CD109: variants seen among roughly 807,000 people sequenced by gnomAD.
CD109 encodes CD109 antigen.
A neutral mutation model predicts 165.8 loss-of-function variants in CD109; 149 were observed. The observed-to-expected ratio is 0.90, with a 90% CI of 0.79 to 1.03. CD109 has a LOEUF of 1.03. CD109 is among the 50% of genes least tolerant of loss of function. The pLI, the probability that CD109 is intolerant of heterozygous loss-of-function variation, is 0.00. For missense variants in CD109, 1,712 were observed against 1,677.8 expected (o/e 1.02, Z -0.36); for synonymous variants, 585 against 592.1 (o/e 0.99, Z 0.18).
intron 7 of CD109, among the ~76,000 whole-genome samples, chr6:73,760,026 A>G (rs1198347771): frequency 6.6e-6 from 1 of 151,946 alleles, no homozygotes; most frequent in African/African-American, 2.4e-5. Context: ...TACTGCTGTG[A>G]TTTATAGACT....
chr6:73,679,781 C>T, the CD109 span, among the ~76,000 whole-genome samples: 110 of 151,974 alleles, frequency 7.2e-4, no homozygotes, highest in Non-Finnish European at 1.5e-3. Context: ...ATTATAGGCA[C>T]GAGCCACCAT....
upstream of CD109, chr6:73,695,823 T>G: frequency 3.8e-6 from 1 of 263,966 alleles, no homozygotes; most frequent in Non-Finnish European, 7.3e-6. Context: ...GATGGGCCTG[T>G]TTACTCACCC....
At chr6:73,764,941 G>T (rs1346689882) in intron 10 of CD109, among the ~76,000 whole-genome samples, 1 of 152,142 alleles carries the variant, frequency 6.6e-6, no homozygotes, top group Non-Finnish European at 1.5e-5. Flanking sequence ...GTTTGAAAAG[G>T]TCAGTTTAAA....
At chr6:73,731,069 G>A (rs1380310051) in intron 4 of CD109, among the ~76,000 whole-genome samples, 1 of 150,804 alleles carries the variant, frequency 6.6e-6, no homozygotes, top group African/African-American at 2.4e-5. Flanking sequence ...TTTTTGAGAT[G>A]GAGTTTCACT....
chr6:73,756,790 G>A, intron 6 of CD109, 108 bp downstream of exon 6: 1 of 724,484 alleles, frequency 1.4e-6, no homozygotes, highest in South Asian at 2.7e-5. Context: ...TCTCAATGGA[G>A]TTAAAATTCT....
At chr6:73,730,716 T>C in intron 4 of CD109, 142 bp downstream of exon 4, 3 of 632,904 alleles carry the variant, frequency 4.7e-6, no homozygotes, top group Non-Finnish European at 8.2e-6. Flanking sequence ...ACTCCTCTAA[T>C]AGGAAAGAAG....
At chr6:73,742,570 G>A (rs150916677) in intron 5 of CD109, among the ~76,000 whole-genome samples, 4 of 152,366 alleles carry the variant, frequency 2.6e-5, no homozygotes, top group Admixed American at 6.5e-5. Flanking sequence ...AGGTCTTTGC[G>A]TGACCCACGC....
chr6:73,801,205 C>G (rs1011443323), intron 23 of CD109, among the ~76,000 whole-genome samples: 15 of 152,242 alleles, frequency 9.9e-5, no homozygotes, highest in African/African-American at 3.4e-4. Flanking sequence ...CAACTTCACT[C>G]CCTGTTAGCT....
chr6:73,769,201 T>TAC (rs1208093153), intron 14 of CD109, among the ~76,000 whole-genome samples: 2 of 152,178 alleles, frequency 1.3e-5, no homozygotes, highest in African/African-American at 4.8e-5. Flanking sequence ...GTACTTTAGT[T>TAC]TTGTTGAGAA....
At chr6:73,737,470 A>G (rs540511843) in intron 5 of CD109, among the ~76,000 whole-genome samples, 1 of 29,196 alleles carries the variant, frequency 3.4e-5, no homozygotes, top group South Asian at 8.5e-4. Flanking sequence ...GCTCTACCGA[A>G]TGAATGTATG....
chr6:73,698,590 C>T (rs370595843), intron 2 of CD109, among the ~76,000 whole-genome samples: 3 of 151,966 alleles, frequency 2.0e-5, no homozygotes, highest in Admixed American at 6.6e-5. Context: ...TCTCTACAAG[C>T]GTAGAGAAAT....
chr6:73,730,251 C>A, intron 3 of CD109, 93 bp from the exon 4 acceptor site: 1 of 791,346 alleles, frequency 1.3e-6, no homozygotes, highest in South Asian at 1.7e-5. Flanking sequence ...TTTGATAATA[C>A]TGTGTATTTA....
intron 5 of CD109, among the ~76,000 whole-genome samples, chr6:73,749,462 C>T (rs1773105345): frequency 6.6e-6 from 1 of 151,924 alleles, no homozygotes; most frequent in African/African-American, 2.4e-5. Context: ...GCATGGAGGG[C>T]TTGTAGAGAG....
At chr6:73,708,448 T>G (rs948928431) in intron 2 of CD109, among the ~76,000 whole-genome samples, 24 of 152,150 alleles carry the variant, frequency 1.6e-4, no homozygotes, top group African/African-American at 1.7e-4. Context: ...GAATAATGCC[T>G]CAATAAACAT....
Position 73,763,625 on chromosome 6 carries a change from C to T in CD109, c.1047C>T (p.Tyr349=), listed in dbSNP as rs779369082. 3.8e-6 allele frequency: 6 copies of T among 1,596,280 alleles called. No homozygotes were observed. In the East Asian group the frequency reaches 1.1e-4, roughly 30 times the overall value. ...STNVFFKQHD[Y]IIEFFDYTTV... is the part of the protein sequence containing the mutation. ...ATGTGTTCTTCAAGCAACATGATTA[C>T]ATCATTGAGTTTTTTGATTATACTA... The change falls in exon 10 of 33, where the codon TAC becomes TAT. Residue 349 remains tyrosine, a synonymous_variant. Transcript: ENST00000287097.
chr6:73,780,503 G>A lies in CD109; in HGVS notation c.1902+5G>A. On this transcript the variant is annotated splice_donor_5th_base_variant and intron_variant, in intron 16 of 32. Coordinates refer to ENST00000287097, the MANE Select transcript of CD109 (RefSeq NM_133493.5). The stretch of plus-strand genomic sequence containing the variant: ...AATTCTTTTGCAGTCTTTCAGGTAT[G>A]TTTTGCTTGCTATATTGAAAAGATA... The A allele has an allele frequency of 6.3e-7, 1 of 1,577,632 alleles. No homozygotes were observed. The highest frequency in any genetic ancestry group is 8.7e-7 in the Non-Finnish European group (1 of 1,148,266).
chr6:73,813,678 T>G (rs542530990), intron 29 of CD109, among the ~76,000 whole-genome samples: 1 of 152,250 alleles, frequency 6.6e-6, no homozygotes, highest in East Asian at 1.9e-4. Flanking sequence ...ATTACCCTCT[T>G]TTGGGTAATA....
chr6:73,762,302 T>A, intron 7 of CD109, 82 bp from the exon 8 acceptor site: 1 of 884,964 alleles, frequency 1.1e-6, no homozygotes, highest in Non-Finnish European at 1.8e-6. Context: ...ATTGCTAATG[T>A]ATGCTATTGA....
At position 73,828,257 on chromosome 6, in the gene CD109, T is replaced by C. The variant is rs1393006481; in HGVS notation, c.*4624T>C. On this transcript the variant is annotated 3_prime_UTR_variant, in exon 33 of 33. Coordinates refer to ENST00000287097, the MANE Select transcript of CD109 (RefSeq NM_133493.5). ...TGTTATGTTATTGTTAATTGTACTTTATTATGTATTCAATAGAAAATCATG... is the reference window on the plus strand; with the variant it reads ...TGTTATGTTATTGTTAATTGTACTTCATTATGTATTCAATAGAAAATCATG... The C allele has an allele frequency of 6.5e-6, 1 of 153,694 alleles. No homozygotes were observed. Among genetic ancestry groups the C allele is most frequent in the East Asian group, 1.9e-4 (1 of 5,200 alleles). The allele number at this position is 153,694 out of a possible 1,614,324, so 9.5% of individuals were successfully genotyped here.
Sources: gnomAD v4.1 joint callset for allele counts (sites outside exome capture counted in the v4.1 genomes callset) on GRCh38, gnomAD v4.1.1 for gene constraint, MANE v1.5 for transcripts, NCBI Gene and HGNC (gene_info 2026-07-23, HGNC 2026-07-21) for gene names.